The following PIK3R1 variants were observed in gnomAD, a reference collection of about 807,000 sequenced individuals.
The protein encoded by PIK3R1 is phosphatidylinositol 3-kinase regulatory subunit alpha.
A neutral mutation model predicts 98.0 loss-of-function variants in PIK3R1; 29 were observed. That is an observed-to-expected ratio of 0.30 (90% CI 0.22 to 0.40). The LOEUF is 0.40. Ranked by LOEUF, PIK3R1 falls within the 10% of genes least tolerant of loss-of-function variation. The pLI, the probability that PIK3R1 is intolerant of heterozygous loss-of-function variation, is 1.00. For synonymous variants in PIK3R1, 282 were observed against 311.8 expected, an observed-to-expected ratio of 0.90 and a Z score of 1.01; for missense variants, 596 against 872.7, an observed-to-expected ratio of 0.68 and a Z score of 3.99.
At chr5:68,237,132 T>G (rs1744695455) in intron 2 of PIK3R1, among the ~76,000 whole-genome samples, 1 of 152,232 alleles carries the variant, frequency 6.6e-6, no homozygotes, top group South Asian at 2.1e-4. Context: ...GAGCACAGAC[T>G]GGAGTTATTA....
intron 1 of PIK3R1, among the ~76,000 whole-genome samples, 199 bp from the exon 2 acceptor site, chr5:68,226,091 T>A (rs917006384): frequency 2.0e-5 from 3 of 152,102 alleles, no homozygotes; most frequent in Admixed American, 2.0e-4. Context: ...ATGCCGACAC[T>A]CCTCCCCTCT....
rs766997390 is a variant in PIK3R1, at chr5:68,292,260, A to G, written c.918A>G (p.Ala306=). 3 of 1,606,580 alleles carry G rather than the reference A, an allele frequency of 1.9e-6. No homozygotes were observed. In the African/African-American group the frequency reaches 4.0e-5, roughly 22 times the overall value. ...CAACTTTTTCTTTTTCATCTGCAGC[A>G]CTGCCTCCTAAACCACCAAAACCTA... ...TEWNERQPAP[A]LPPKPPKPTT... The change falls in exon 8 of 16, where the codon GCA becomes GCG. Residue 306 remains alanine (A), a splice_region_variant and synonymous_variant. Transcript: ENST00000521381.
intron 2 of PIK3R1, among the ~76,000 whole-genome samples, chr5:68,232,506 G>C (rs1200808085): frequency 6.6e-6 from 1 of 152,194 alleles, no homozygotes; most frequent in Non-Finnish European, 1.5e-5. Flanking sequence ...AGAGGGGAGA[G>C]GAAGGCATTT....
At chr5:68,255,260 C>T (rs1018741121) in intron 2 of PIK3R1, among the ~76,000 whole-genome samples, 2 of 152,110 alleles carry the variant, frequency 1.3e-5, no homozygotes, top group South Asian at 2.1e-4. Context: ...TTTTCCGTGC[C>T]ATGGATATAA....
intron 2 of PIK3R1, among the ~76,000 whole-genome samples, chr5:68,260,712 C>A (rs1453049625): frequency 6.6e-6 from 1 of 152,182 alleles, no homozygotes; most frequent in South Asian, 2.1e-4. Context: ...ATGACTAGGG[C>A]AGTGACAGTT....
At chr5:68,290,059 T>C (rs1339910279) in intron 7 of PIK3R1, among the ~76,000 whole-genome samples, 1 of 152,232 alleles carries the variant, frequency 6.6e-6, no homozygotes, top group Non-Finnish European at 1.5e-5. Flanking sequence ...AGTCTAGTTT[T>C]AACTTTGGAA....
At chr5:68,272,048 C>T (rs978650281) in intron 2 of PIK3R1, among the ~76,000 whole-genome samples, 2 of 151,714 alleles carry the variant, frequency 1.3e-5, no homozygotes. Flanking sequence ...TCCATGAGTT[C>T]GAGACCAGCC....
intron 2 of PIK3R1, among the ~76,000 whole-genome samples, chr5:68,265,697 A>ACC (rs1746096141): frequency 1.3e-5 from 2 of 152,300 alleles, no homozygotes; most frequent in East Asian, 3.9e-4. Context: ...GGGGGAAGGG[A>ACC]CACAATTCAG....
chr5:68,244,270 G>A (rs1004917921), intron 2 of PIK3R1, among the ~76,000 whole-genome samples: 4 of 152,142 alleles, frequency 2.6e-5, no homozygotes, highest in Admixed American at 2.0e-4. Flanking sequence ...TTGAGTGACA[G>A]AAAATTCCTT....
rs144085880 is a variant in PIK3R1, at chr5:68,292,231, C to T, written c.917-28C>T. 4.1e-4 allele frequency: 605 copies of T among 1,471,142 alleles called. 1 individual carries two copies. The African/African-American group carries it at 4.7e-3, about 11-fold the overall frequency. The allele number at this position is 1,471,142 out of a possible 1,614,324, so 91.1% of individuals were successfully genotyped here. ...TTTAGTTCTAATGTAGTTGGGATTG[C>T]GAACAACTTTTTCTTTTTCATCTGC... On this transcript the variant is annotated intron_variant, in intron 7 of 15. Transcript: ENST00000521381.
At chr5:68,227,339 G>A (rs949379425) in intron 2 of PIK3R1, among the ~76,000 whole-genome samples, 37 of 152,148 alleles carry the variant, frequency 2.4e-4, no homozygotes, top group African/African-American at 8.4e-4. Flanking sequence ...AGTATTCCTA[G>A]TCTGAAAATA....
At chr5:68,259,533 C>A (rs1745655617) in intron 2 of PIK3R1, among the ~76,000 whole-genome samples, 1 of 152,168 alleles carries the variant, frequency 6.6e-6, no homozygotes, top group African/African-American at 2.4e-5. Context: ...GTTTGGCTAT[C>A]ACCATGGGCG....
In PIK3R1 at chr5:68,293,107, A is replaced by C. The variant is rs1747484916; in HGVS notation, c.1026A>C (p.Glu342Asp). The C allele has an allele frequency of 6.2e-7, 1 of 1,611,004 alleles. No homozygotes were observed. Among genetic ancestry groups the C allele is most frequent in the Non-Finnish European group, 8.5e-7 (1 of 1,177,194 alleles). The change falls in exon 9 of 16, where the codon GAA (glutamate) becomes GAC (aspartate). Residue 342 changes from glutamate to aspartate, a missense_variant. Around this residue, in one of 3 missense-constraint regions of PIK3R1, gnomAD observed 37 missense variants for 118.0 expected, o/e 0.31. Transcript: ENST00000521381. ...TTTTGTGTTTTCATTTCAGGGAAGA[A>C]GTGAATGAAAAACTTCGAGATACAG... ...EWYWGDISRE[E>D]VNEKLRDTAD...
intron 1 of PIK3R1, among the ~76,000 whole-genome samples, chr5:68,216,488 AC>A (rs905479479): frequency 2.6e-5 from 4 of 151,314 alleles, no homozygotes; most frequent in African/African-American, 9.7e-5. Flanking sequence ...TCGTCCCCTA[AC>A]CCCCGCCTTC....
At chr5:68,256,977 G>A (rs924457533) in intron 2 of PIK3R1, among the ~76,000 whole-genome samples, 1 of 152,104 alleles carries the variant, frequency 6.6e-6, no homozygotes, top group African/African-American at 2.4e-5. Context: ...GCCACTCCAG[G>A]GAGAGGGAAG....
At chr5:68,277,622 G>T (rs1746635222) in intron 4 of PIK3R1, among the ~76,000 whole-genome samples, 2 of 152,092 alleles carry the variant, frequency 1.3e-5, no homozygotes, top group Non-Finnish European at 2.9e-5. Context: ...AGAATGATTT[G>T]TACTGTCATA....
At chr5:68,279,101 G>C (rs1052953785) in intron 4 of PIK3R1, among the ~76,000 whole-genome samples, 23 of 152,192 alleles carry the variant, frequency 1.5e-4, no homozygotes, top group African/African-American at 5.3e-4. Context: ...TCCCTAGTGT[G>C]TCTCTCTCTG....
intron 2 of PIK3R1, among the ~76,000 whole-genome samples, chr5:68,263,151 ATG>A (rs1423470056): frequency 2.1e-5 from 3 of 145,788 alleles, no homozygotes; most frequent in African/African-American, 7.5e-5. Flanking sequence ...ATATTTATAT[ATG>A]TACATATATC....
intron 1 of PIK3R1, chr5:68,217,638 G>GTA (rs1743945227): frequency 7.1e-6 from 1 of 141,716 alleles, no homozygotes; most frequent in Non-Finnish European, 1.5e-5. Context: ...GGGTGTGTGT[G>GTA]TGTGTGTGTG....
Sources: allele counts gnomAD v4.1 joint callset (sites outside exome capture counted in the v4.1 genomes callset), GRCh38; gene constraint gnomAD v4.1.1; regional missense constraint gnomAD v4.1.1; transcripts MANE v1.5; gene names NCBI Gene and HGNC (gene_info 2026-07-23, HGNC 2026-07-21).